PTBP1: variants seen among roughly 807,000 people sequenced by gnomAD.
PTBP1 encodes polypyrimidine tract-binding protein 1.
Under a neutral mutation model 59.8 loss-of-function variants are expected in PTBP1, and 8 were observed. The ratio of observed to expected loss-of-function variants is 0.13; its 90% CI spans 0.08 to 0.24. The LOEUF is 0.24. Among genes scored for constraint, PTBP1 ranks in the 10% least tolerant of loss-of-function variants. The probability of loss-of-function intolerance (pLI) is 1.00; values close to 1 mark genes in which losing one functional copy is unlikely to be tolerated. For missense variants in PTBP1, 686 were observed against 767.0 expected (o/e 0.89, Z 1.25); for synonymous variants, 490 against 320.7 (o/e 1.53, Z -5.64).
intron 2 of PTBP1, 63 bp from the exon 3 acceptor site, chr19:803,498 G>A (rs1035917148): frequency 3.5e-5 from 50 of 1,442,392 alleles, no homozygotes; most frequent in South Asian, 6.9e-5. Flanking sequence ...AGGGCCGGCC[G>A]GTGGGGAAGG....
rs749808623 is a variant in PTBP1 at position 808,682 on chromosome 19, G to T, written c.1383G>T (p.Leu461=). 13 of 1,613,012 alleles carry T rather than the reference G, an allele frequency of 8.1e-6. No individual in the cohort carries two copies. The highest frequency in any genetic ancestry group is 1.0e-5 in the Non-Finnish European group (12 of 1,179,962). Residue 461 remains leucine, a synonymous_variant, in exon 13 of 15, where the codon CTG becomes CTT. Transcript: ENST00000356948. The surrounding 1 kb of genome is among the most constrained non-coding windows in gnomAD (Gnocchi z 4.7). ...GLTKDYGNSP[L]HRFKKPGSKN... ...CCAAGGACTACGGCAACTCACCCCT[G>T]CACCGCTTCAAGAAGCCGGGCTCCA...
In PTBP1 at chr19:808,610, C is replaced by T. The variant is rs762110464; in HGVS notation, c.1311C>T (p.His437=). The T allele has an allele frequency of 6.2e-7, 1 of 1,609,870 alleles. No individual in the cohort carries two copies. The highest frequency in any genetic ancestry group is 8.5e-7 in the Non-Finnish European group (1 of 1,179,294). The change falls in exon 13 of 15, where the codon CAC becomes CAT. Residue 437 remains histidine, a synonymous_variant. Transcript: ENST00000356948. This position sits in a 1 kb window ranked among gnomAD's most constrained non-coding sequence, Gnocchi z 4.7. ...GKPIRITLSK[H]QNVQLPREGQ... Reference sequence around the variant, plus strand: ...CCATCCGCATCACGCTCTCGAAGCACCAGAACGTGCAGCTGCCCCGCGAGG... The same window carrying T: ...CCATCCGCATCACGCTCTCGAAGCATCAGAACGTGCAGCTGCCCCGCGAGG...
intron 13 of PTBP1, among the ~76,000 whole-genome samples, chr19:809,754 AGT>A (rs1225163657): frequency 1.3e-5 from 2 of 152,078 alleles, no homozygotes; most frequent in Non-Finnish European, 2.9e-5. Context: ...ATTAGCTAGG[AGT>A]GGTGGTGTGC....
chr19:806,368 T>C (rs1425876459), intron 9 of PTBP1, 40 bp from the exon 10 acceptor site: 2 of 1,566,220 alleles, frequency 1.3e-6, no homozygotes, highest in Admixed American at 3.7e-5. Flanking sequence ...TGCGGTGGAG[T>C]CGGGGGCGCC....
intron 10 of PTBP1, chr19:806,771 G>T: frequency 2.1e-6 from 1 of 482,800 alleles, no homozygotes; most frequent in Admixed American, 4.1e-5. Context: ...GTTTTCTCTT[G>T]CATGATACGC....
intron 14 of PTBP1, 36 bp from the exon 15 acceptor site, chr19:810,658 C>A (rs1404291813): frequency 2.2e-5 from 35 of 1,612,200 alleles, no homozygotes; most frequent in Non-Finnish European, 3.0e-5. Context: ...TCTCCCCAGG[C>A]TGCCCTGCGG....
chr19:804,924 C>T lies in PTBP1; in HGVS notation c.702C>T (p.Ala234=), dbSNP rs1489840946. The change falls in exon 7 of 15, where the codon GCC becomes GCT. Residue 234 remains alanine, a synonymous_variant. Transcript: ENST00000356948. ...ALLQYADPVS[A]QHAKLSLDGQ... ...TGCAGTATGCGGACCCCGTGAGCGC[C>T]CAGCACGCCAAGCTGGTGAGTGGGG... 6.2e-7 allele frequency: 1 copy of T among 1,613,836 alleles called. No homozygotes were observed. Among genetic ancestry groups the T allele is most frequent in the Non-Finnish European group, 8.5e-7 (1 of 1,179,846 alleles).
At chr19:803,962 A>AG in intron 3 of PTBP1, 74 bp from the exon 4 acceptor site, 2 of 1,566,664 alleles carry the variant, frequency 1.3e-6, no homozygotes, top group Non-Finnish European at 1.7e-6. Context: ...GCAGGGCTCT[A>AG]GGGGGATAGC....
In PTBP1 at chr19:808,729, C is replaced by T. The variant is rs989486637; in HGVS notation, c.1430C>T (p.Pro477Leu). 3.1e-6 allele frequency: 5 copies of T among 1,612,836 alleles called. No individual in the cohort carries two copies. The highest frequency in any genetic ancestry group is 2.2e-5 in the East Asian group (1 of 44,824). Residue 477 changes from proline (P) to leucine (L), a missense_variant, in exon 13 of 15, where the codon CCG (proline) becomes CTG (leucine). Coordinates refer to ENST00000356948, the MANE Select transcript of PTBP1 (RefSeq NM_002819.5). This position sits in a 1 kb window ranked among gnomAD's most constrained non-coding sequence, Gnocchi z 4.7. ...PGSKNFQNIFPPSATLHLSNI... is the reference protein window; with the variant it reads ...PGSKNFQNIFLPSATLHLSNI... ...TCCAAGAACTTCCAGAACATATTCCCGCCCTCGGCCACGCTGCACCTCTCC... is the reference window on the plus strand; with the variant it reads ...TCCAAGAACTTCCAGAACATATTCCTGCCCTCGGCCACGCTGCACCTCTCC...
At chr19:810,103 T>G (rs2145037062) in intron 13 of PTBP1, among the ~76,000 whole-genome samples, 1 of 152,192 alleles carries the variant, frequency 6.6e-6, no homozygotes, top group African/African-American at 2.4e-5. Flanking sequence ...GGTCAGGAGT[T>G]CAAGACCAAC....
chr19:802,277 C>T (rs1415828391), intron 2 of PTBP1, among the ~76,000 whole-genome samples: 3 of 152,192 alleles, frequency 2.0e-5, no homozygotes, highest in African/African-American at 7.2e-5. Context: ...GTCTTCCTTC[C>T]AGGAAGCTCT....
chr19:804,604 G>A lies in PTBP1; in HGVS notation c.508G>A (p.Ala170Thr). Residue 170 changes from alanine (A) to threonine (T), a missense_variant, in exon 6 of 15, where the codon GCC (alanine) becomes ACC (threonine). Physicochemically the swap from Ala to Thr is moderately conservative, Grantham distance 58. Coordinates refer to ENST00000356948, the MANE Select transcript of PTBP1 (RefSeq NM_002819.5). ...CCTGGCCTTGGCTGCCTCGGCGGCG[G>A]CCGTGGACGCAGGGATGGCGATGGC... ...GNLALAASAA[A>T]VDAGMAMAGQ... 2 of 1,612,128 alleles carry A rather than the reference G, an allele frequency of 1.2e-6. No homozygotes were observed. The highest frequency in any genetic ancestry group is 1.1e-5 in the South Asian group (1 of 91,050).
chr19:803,532 G>A, intron 2 of PTBP1, 29 bp from the exon 3 acceptor site: 5 of 1,600,810 alleles, frequency 3.1e-6, no homozygotes, highest in Non-Finnish European at 4.3e-6. Context: ...GGTGGGAAGT[G>A]CAGCTCCGCG....
chr19:799,484 A>G (rs2034236143), intron 2 of PTBP1, 41 bp downstream of exon 2: 1 of 1,609,570 alleles, frequency 6.2e-7, no homozygotes, highest in Non-Finnish European at 8.5e-7. Context: ...CGCTCCTCTG[A>G]CCTTGTGCCG....
intron 13 of PTBP1, among the ~76,000 whole-genome samples, chr19:809,496 A>G (rs1423401072): frequency 6.6e-6 from 1 of 150,984 alleles, no homozygotes; most frequent in African/African-American, 2.4e-5. Context: ...AATTTTTTGT[A>G]TTTTTAGTGG....
At chr19:806,302 C>G (rs1401839400) in intron 9 of PTBP1, 106 bp from the exon 10 acceptor site, 6 of 1,300,244 alleles carry the variant, frequency 4.6e-6, no homozygotes, top group Non-Finnish European at 6.1e-6. Context: ...GGGCCGCCTC[C>G]CGCGCGGCTC....
Position 811,061 on chromosome 19 carries a change from A to C in PTBP1, c.*235A>C, listed in dbSNP as rs2034841113. Reference sequence around the variant, plus strand: ...GCAGCGGGAGTTCCCGGCCCTCCACACCCGGGGCCAGACCCTCGGGGCCAT... The same window carrying C: ...GCAGCGGGAGTTCCCGGCCCTCCACCCCCGGGGCCAGACCCTCGGGGCCAT... On this transcript the variant is annotated 3_prime_UTR_variant, in exon 15 of 15. Coordinates refer to ENST00000356948, the MANE Select transcript of PTBP1 (RefSeq NM_002819.5). 2.2e-6 allele frequency: 1 copy of C among 450,208 alleles called. No homozygotes were observed. Among genetic ancestry groups the C allele is most frequent in the South Asian group, 4.1e-5 (1 of 24,192 alleles). 27.9% of individuals were successfully genotyped at this position (450,208 alleles called of 1,614,324 possible). A position where few individuals can be genotyped will look rare whatever the true frequency, so the allele number is the denominator to read the frequency against.
At chr19:804,964 C>T (rs1599230298) in intron 7 of PTBP1, 25 bp downstream of exon 7, 6 of 1,612,240 alleles carry the variant, frequency 3.7e-6, no homozygotes, top group Admixed American at 1.7e-5. Flanking sequence ...CGGGACGGCG[C>T]CCGCCCTGGC....
At chr19:802,710 G>C (rs903276626) in intron 2 of PTBP1, among the ~76,000 whole-genome samples, 1 of 152,240 alleles carries the variant, frequency 6.6e-6, no homozygotes, top group Non-Finnish European at 1.5e-5. Context: ...ACTAAGGGCC[G>C]TAACCAACGT....
Sources: allele counts gnomAD v4.1 joint callset (sites outside exome capture counted in the v4.1 genomes callset), GRCh38; gene constraint gnomAD v4.1.1; non-coding constraint Gnocchi (gnomAD v3.1); transcripts MANE v1.5; gene names NCBI Gene and HGNC (gene_info 2026-07-23, HGNC 2026-07-21).